The following GALNT14 variants were observed in gnomAD, a reference collection of about 807,000 sequenced individuals.
The protein encoded by GALNT14 is polypeptide N-acetylgalactosaminyltransferase 14.
GALNT14 carries 60 observed loss-of-function variants against 77.5 expected under a neutral mutation model. The observed-to-expected ratio is 0.77, with a 90% CI of 0.63 to 0.96. The LOEUF (loss-of-function observed/expected upper bound fraction) is 0.96. Ranked by LOEUF, GALNT14 falls within the 40% of genes least tolerant of loss-of-function variation. GALNT14 has a pLI of 0.00. For missense variants in GALNT14, 710 were observed against 731.0 expected (o/e 0.97, Z 0.33); for synonymous variants, 280 against 281.7 (o/e 0.99, Z 0.06).
chr2:30,933,992 C>T (rs1412897672), intron 9 of GALNT14, among the ~76,000 whole-genome samples: 1 of 152,232 alleles, frequency 6.6e-6, no homozygotes, highest in Non-Finnish European at 1.5e-5. Flanking sequence ...CATCACCCAC[C>T]TGTGCCCCCT....
chr2:30,893,661 C>T, the GALNT14 span, among the ~76,000 whole-genome samples: 2 of 151,882 alleles, frequency 1.3e-5, no homozygotes, highest in African/African-American at 4.8e-5. Flanking sequence ...GAGGTAAATG[C>T]CAGGGGCAGG....
At chr2:30,956,526 T>C (rs1667379191) in intron 4 of GALNT14, among the ~76,000 whole-genome samples, 1 of 152,226 alleles carries the variant, frequency 6.6e-6, no homozygotes, top group African/African-American at 2.4e-5. Flanking sequence ...TGTTTGTTTT[T>C]GAGACGGAAT....
At chr2:30,953,447 T>A (rs1442742307) in intron 6 of GALNT14, among the ~76,000 whole-genome samples, 2 of 152,004 alleles carry the variant, frequency 1.3e-5, no homozygotes, top group Admixed American at 1.3e-4. Flanking sequence ...TAGCTGGGAC[T>A]ACAGGTGCGT....
At position 31,017,429 on chromosome 2, in the gene GALNT14, T is replaced by C. The variant is rs572254560; in HGVS notation, c.130-24422A>G. ...ACTGTAAATAATACATATAACAGAG[T>C]ACCCATTTTTATAAATATTTAAATT... On this transcript the variant is annotated intron_variant, in intron 1 of 14. Coordinates refer to ENST00000349752, the MANE Select transcript of GALNT14 (RefSeq NM_024572.4). Among the ~76,000 whole-genome samples the C allele has an allele frequency of 1.7e-3, 266 of 152,066 alleles. 1 individual carries two copies. Among genetic ancestry groups the C allele is most frequent in the Non-Finnish European group, 3.3e-3 (226 of 68,002 alleles).
intron 1 of GALNT14, among the ~76,000 whole-genome samples, chr2:31,115,376 T>C (rs1558578411): frequency 1.3e-5 from 2 of 152,118 alleles, no homozygotes; most frequent in Admixed American, 1.3e-4. Context: ...CAAGAGTTCA[T>C]AGAAAACATA....
intron 11 of GALNT14, among the ~76,000 whole-genome samples, chr2:30,925,657 T>C (rs534826411): frequency 1.3e-5 from 2 of 152,218 alleles, no homozygotes; most frequent in South Asian, 2.1e-4. Context: ...TGTGAATGTA[T>C]GGGTGGTGAT....
At chr2:31,038,086 T>A (rs11686882) in intron 1 of GALNT14, among the ~76,000 whole-genome samples, 424 of 35,626 alleles carry the variant, frequency 0.012, 5 homozygotes, top group East Asian at 0.027. Context: ...ATATATATAT[T>A]TTTTTTTTTT....
chr2:30,981,378 G>A (rs1405072322), intron 2 of GALNT14, among the ~76,000 whole-genome samples: 1 of 152,150 alleles, frequency 6.6e-6, no homozygotes, highest in Admixed American at 6.5e-5. Flanking sequence ...TGCCTTCTAC[G>A]TGATGTGCCA....
At chr2:31,068,195 G>T (rs1349999054) in intron 1 of GALNT14, among the ~76,000 whole-genome samples, 1 of 152,118 alleles carries the variant, frequency 6.6e-6, no homozygotes, top group Non-Finnish European at 1.5e-5. Context: ...ACTTAAAAAG[G>T]TCCATAATTG....
chr2:30,993,530 GGGAA>G (rs1669841629), intron 1 of GALNT14, among the ~76,000 whole-genome samples: 1 of 152,196 alleles, frequency 6.6e-6, no homozygotes, highest in Non-Finnish European at 1.5e-5. Context: ...GGCCAGCGAT[GGGAA>G]GGAAGGAGGA....
intron 4 of GALNT14, 28 bp from the exon 5 acceptor site, chr2:30,956,005 G>T: frequency 6.2e-7 from 1 of 1,612,428 alleles, no homozygotes; most frequent in South Asian, 1.1e-5. Context: ...TAAGCCAATT[G>T]AGCGCCCAGG....
intron 1 of GALNT14, among the ~76,000 whole-genome samples, chr2:31,109,377 G>T (rs1677724055): frequency 6.6e-6 from 1 of 152,218 alleles, no homozygotes; most frequent in South Asian, 2.1e-4. Context: ...CACCCATTGA[G>T]TTGGAAAATG....
At chr2:31,090,481 CTTTTTTTTTT>C (rs70962302) in intron 1 of GALNT14, among the ~76,000 whole-genome samples, 13 of 93,258 alleles carry the variant, frequency 1.4e-4, no homozygotes, top group African/African-American at 2.2e-4. Context: ...GTCCCTTCAT[CTTTTTTTTTT>C]TTTTTTTTTT....
At chr2:31,064,632 G>T (rs981105782) in intron 1 of GALNT14, among the ~76,000 whole-genome samples, 1 of 152,024 alleles carries the variant, frequency 6.6e-6, no homozygotes, top group Non-Finnish European at 1.5e-5. Context: ...CAAATATATC[G>T]CTGATTTCGG....
chr2:30,906,253 A>C (rs537332099), downstream of GALNT14, among the ~76,000 whole-genome samples: 1 of 151,630 alleles, frequency 6.6e-6, no homozygotes, highest in African/African-American at 2.4e-5. Context: ...TCCAATTAAA[A>C]GACACAGACT....
intron 1 of GALNT14, among the ~76,000 whole-genome samples, chr2:30,998,962 C>G (rs1003020369): frequency 6.6e-6 from 1 of 152,200 alleles, no homozygotes; most frequent in Non-Finnish European, 1.5e-5. Flanking sequence ...CCATCAGCCC[C>G]TCTACTCTTC....
intron 3 of GALNT14, among the ~76,000 whole-genome samples, chr2:30,958,787 C>G (rs571343544): frequency 6.6e-6 from 1 of 152,292 alleles, no homozygotes; most frequent in African/African-American, 2.4e-5. Flanking sequence ...AAATCACTTT[C>G]ACTTCTTATA....
intron 6 of GALNT14, among the ~76,000 whole-genome samples, chr2:30,946,817 C>T (rs1666724304): frequency 6.6e-6 from 1 of 152,090 alleles, no homozygotes; most frequent in African/African-American, 2.4e-5. Context: ...TTAATTGTCC[C>T]CTGCAGATGA....
intron 1 of GALNT14, among the ~76,000 whole-genome samples, chr2:31,064,917 G>A (rs1674838507): frequency 6.6e-6 from 1 of 151,580 alleles, no homozygotes; most frequent in African/African-American, 2.4e-5. Flanking sequence ...AGAAGGGAAA[G>A]AGTGGTAAAA....
Sources: gnomAD v4.1 joint callset for allele counts (sites outside exome capture counted in the v4.1 genomes callset) on GRCh38, gnomAD v4.1.1 for gene constraint, MANE v1.5 for transcripts, NCBI Gene and HGNC (gene_info 2026-07-23, HGNC 2026-07-21) for gene names.